The following WDR25 variants were observed in gnomAD, a reference collection of about 807,000 sequenced individuals.
The protein encoded by WDR25 is WD repeat domain 25.
WDR25 carries 35 observed loss-of-function variants against 47.7 expected under a neutral mutation model. That is an observed-to-expected ratio of 0.73 (90% CI 0.56 to 0.97). WDR25 has a LOEUF of 0.97. Among genes scored for constraint, WDR25 ranks in the 50% least tolerant of loss-of-function variants. WDR25 has a pLI of 0.00. For missense variants in WDR25, 634 were observed against 704.7 expected (o/e 0.90, Z 1.14); for synonymous variants, 248 against 278.9 (o/e 0.89, Z 1.10).
rs1010634781 is a variant in WDR25 at position 100,468,837 on chromosome 14, G to A, written c.970+669G>A. ...CCAGGGAGTGACAGAGCTGGGATTC[G>A]CACCTCTGCCATCTGCCTCCCAGTC... On this transcript the variant is annotated intron_variant, in intron 3 of 6. Transcript: ENST00000402312. This position sits in a 1 kb window ranked among gnomAD's most constrained non-coding sequence, Gnocchi z 4.5. Among the ~76,000 whole-genome samples, 2 of 152,070 alleles carry A rather than the reference G, an allele frequency of 1.3e-5. No individual in the cohort carries two copies. Among genetic ancestry groups the A allele is most frequent in the African/African-American group, 2.4e-5 (1 of 41,382 alleles).
chr14:100,376,911 C>T (rs182732602), intron 1 of WDR25: 35 of 367,952 alleles, frequency 9.5e-5, no homozygotes, highest in African/African-American at 6.8e-4. Context: ...TATTTTTAGA[C>T]GCTGGGCATT....
At chr14:100,387,636 A>T (rs1897048660) in intron 2 of WDR25, among the ~76,000 whole-genome samples, 1 of 152,214 alleles carries the variant, frequency 6.6e-6, no homozygotes, top group Admixed American at 6.5e-5. Flanking sequence ...CATTTTACAG[A>T]TGAGGAAATT....
At chr14:100,493,866 A>C (rs1250368285) in intron 4 of WDR25, among the ~76,000 whole-genome samples, 1 of 152,134 alleles carries the variant, frequency 6.6e-6, no homozygotes, top group East Asian at 1.9e-4. Context: ...GTACCCCTGT[A>C]AGAAGAGACA....
chr14:100,446,667 T>C (rs548992545), intron 2 of WDR25, among the ~76,000 whole-genome samples: 1 of 152,310 alleles, frequency 6.6e-6, no homozygotes, highest in Non-Finnish European at 1.5e-5. Flanking sequence ...GCAGTTGTGT[T>C]GTTTCTTAGA....
chr14:100,503,214 A>T (rs1900996798), intron 4 of WDR25, among the ~76,000 whole-genome samples: 2 of 152,030 alleles, frequency 1.3e-5, no homozygotes. Flanking sequence ...GAGATAAGGG[A>T]GACCTCCCCA....
At chr14:100,509,248 A>G (rs1323500039) in intron 4 of WDR25, among the ~76,000 whole-genome samples, 1 of 152,214 alleles carries the variant, frequency 6.6e-6, no homozygotes, top group Non-Finnish European at 1.5e-5. Context: ...AAAATTAACT[A>G]TGTGTAACGT....
intron 3 of WDR25, among the ~76,000 whole-genome samples, chr14:100,471,925 C>T (rs1248993316): frequency 1.3e-5 from 2 of 152,230 alleles, no homozygotes; most frequent in Non-Finnish European, 2.9e-5. Context: ...GTCTGTGGCA[C>T]GTTAGGCTGA....
rs1036013694 is a variant in WDR25 at position 100,377,667 on chromosome 14, C to T, written c.-16+1172C>T. On this transcript the variant is annotated intron_variant, in intron 1 of 6. Coordinates refer to ENST00000402312, the MANE Select transcript of WDR25 (RefSeq NM_001161476.3). ...GTTGTTACCTGCCTGGAATGGGCTG[C>T]GAACGGGGGCGGCATTACTAGAGGA... 3.8e-4 allele frequency among the ~76,000 whole-genome samples: 58 copies of T among 151,914 alleles called. 1 individual carries two copies. The highest frequency in any genetic ancestry group is 1.1e-3 in the African/African-American group (45 of 41,334).
intron 5 of WDR25, among the ~76,000 whole-genome samples, chr14:100,527,295 C>T (rs1359553343): frequency 6.6e-6 from 1 of 151,942 alleles, no homozygotes; most frequent in African/African-American, 2.4e-5. Context: ...ACCACCATCT[C>T]TATTATATTG....
rs1900862676 is a variant in WDR25 at position 100,499,993 on chromosome 14, G to GA, written c.1101+15870dup. Among the ~76,000 whole-genome samples, 1 of 152,124 alleles carries GA rather than the reference G, an allele frequency of 6.6e-6. No individual in the cohort carries two copies. The highest frequency in any genetic ancestry group is 2.4e-5 in the African/African-American group (1 of 41,410). Reference sequence around the variant, plus strand: ...AGACAGAGCTGTCCCTGAGATGGGGGATGGTACAAGCATTGGGAAATGGTC... The same window carrying GA: ...AGACAGAGCTGTCCCTGAGATGGGGGAATGGTACAAGCATTGGGAAATGGTC... On this transcript the variant is annotated intron_variant, in intron 4 of 6. Coordinates refer to ENST00000402312, the MANE Select transcript of WDR25 (RefSeq NM_001161476.3). The surrounding 1 kb of genome is among the most constrained non-coding windows in gnomAD (Gnocchi z 4.4).
At chr14:100,470,681 C>G (rs1269109368) in intron 3 of WDR25, among the ~76,000 whole-genome samples, 1 of 152,202 alleles carries the variant, frequency 6.6e-6, no homozygotes, top group Non-Finnish European at 1.5e-5. Flanking sequence ...GTAGCTCCCA[C>G]TGGTCCTGTG....
intron 2 of WDR25, among the ~76,000 whole-genome samples, chr14:100,447,430 C>G (rs1002160991): frequency 6.6e-6 from 1 of 152,324 alleles, no homozygotes; most frequent in Non-Finnish European, 1.5e-5. Context: ...GGCGTGCCAG[C>G]CTTGCAGTGG....
chr14:100,444,947 A>G (rs1374749304), intron 2 of WDR25, among the ~76,000 whole-genome samples: 1 of 152,182 alleles, frequency 6.6e-6, no homozygotes, highest in African/African-American at 2.4e-5. Flanking sequence ...CCCGTTTTCT[A>G]GCTGTTGAAA....
At position 100,398,671 on chromosome 14, in the gene WDR25, A is replaced by G. The variant is rs1439083635; in HGVS notation, c.822+16925A>G. ...CTATGGACTTTATTTGCATTTCACC[A>G]GGTTTTCCACTAATGTCCTTTTTCC... On this transcript the variant is annotated intron_variant, in intron 2 of 6. Transcript: ENST00000402312. Among the ~76,000 whole-genome samples the G allele has an allele frequency of 2.0e-5, 3 of 149,582 alleles. No individual in the cohort carries two copies. In the Admixed American group the frequency reaches 2.0e-4, roughly 10 times the overall value.
At chr14:100,492,093 C>T (rs1235166347) in intron 4 of WDR25, among the ~76,000 whole-genome samples, 1 of 152,224 alleles carries the variant, frequency 6.6e-6, no homozygotes, top group Admixed American at 6.5e-5. Flanking sequence ...CAGGCATTGT[C>T]CCAGGGCATG....
At chr14:100,481,015 G>A (rs1051795195) in intron 3 of WDR25, 33 of 435,418 alleles carry the variant, frequency 7.6e-5, no homozygotes, top group Admixed American at 6.0e-5. Flanking sequence ...GGAGACTGGT[G>A]CAGTTGTCAG....
At chr14:100,382,923 A>G (rs1367837463) in intron 2 of WDR25, among the ~76,000 whole-genome samples, 2 of 152,250 alleles carry the variant, frequency 1.3e-5, no homozygotes, top group Non-Finnish European at 2.9e-5. Flanking sequence ...TGCCTTGCAC[A>G]GAGCCAGGTA....
intron 2 of WDR25, among the ~76,000 whole-genome samples, chr14:100,408,808 A>G (rs575176112): frequency 3.3e-5 from 5 of 152,322 alleles, no homozygotes; most frequent in African/African-American, 7.2e-5. Context: ...GAAAAAACCT[A>G]TGTGAATTAT....
intron 1 of WDR25, 94 bp downstream of exon 1, chr14:100,376,589 C>T: frequency 1.6e-6 from 2 of 1,231,968 alleles, no homozygotes; most frequent in Non-Finnish European, 2.0e-6. Flanking sequence ...CTCTCATAGC[C>T]GCTCGCCTTC....
Sources: gnomAD v4.1 joint callset for allele counts (sites outside exome capture counted in the v4.1 genomes callset) on GRCh38, gnomAD v4.1.1 for gene constraint, Gnocchi (gnomAD v3.1) non-coding constraint, MANE v1.5 for transcripts, NCBI Gene and HGNC (gene_info 2026-07-23, HGNC 2026-07-21) for gene names.